The following LAMA4 variants were observed in gnomAD, a reference collection of about 807,000 sequenced individuals.
LAMA4 encodes the protein laminin subunit alpha 4, also known as laminin subunit alpha-4.
In LAMA4, 127 loss-of-function variants were observed where a neutral mutation model predicts 207.1. That is an observed-to-expected ratio of 0.61 (90% CI 0.53 to 0.71). The LOEUF is 0.71. Ranked by LOEUF, LAMA4 falls within the 30% of genes least tolerant of loss-of-function variation. The pLI, the probability that LAMA4 is intolerant of heterozygous loss-of-function variation, is 0.00. For missense variants in LAMA4, 2,093 were observed against 2,246.5 expected (o/e 0.93, Z 1.38); for synonymous variants, 761 against 816.0 (o/e 0.93, Z 1.15).
At chr6:112,228,662 A>G (rs1785366472) in intron 2 of LAMA4, among the ~76,000 whole-genome samples, 1 of 152,218 alleles carries the variant, frequency 6.6e-6, no homozygotes, top group South Asian at 2.1e-4. Context: ...GAAAGCTGGA[A>G]CTGTGGAGGA....
At chr6:112,199,335 TC>T (rs1554351438) in intron 5 of LAMA4, among the ~76,000 whole-genome samples, 2 of 152,252 alleles carry the variant, frequency 1.3e-5, no homozygotes, top group South Asian at 2.1e-4. Context: ...CCATTAACTC[TC>T]CCCGTGGGGG....
Position 112,144,885 on chromosome 6 carries a change from G to C in LAMA4, c.2402C>G (p.Thr801Arg). 6.2e-7 allele frequency: 1 copy of C among 1,613,910 alleles called. No individual in the cohort carries two copies. The highest frequency in any genetic ancestry group is 1.7e-5 in the Admixed American group (1 of 60,026). Reference sequence around the variant, plus strand: ...GCTTGCAGGTCGCTTCTGCTCAACCGTACGAAGCTGATCCAGGAGCTGAGG... The same window carrying C: ...GCTTGCAGGTCGCTTCTGCTCAACCCTACGAAGCTGATCCAGGAGCTGAGG... ...VVPQLLDQLR[T>R]VEQKRPASNV... The change falls in exon 19 of 39, where the codon ACG becomes AGG. Residue 801 changes from threonine to arginine, a missense_variant. Physicochemically the swap from Thr to Arg is moderately conservative, Grantham distance 71 (BLOSUM62 -1). Around this residue, in one of 3 missense-constraint regions of LAMA4, gnomAD observed 1,704 missense variants for 1,788.4 expected, o/e 0.95. Coordinates refer to ENST00000230538, the MANE Select transcript of LAMA4 (RefSeq NM_001105206.3).
chr6:112,193,506 T>C (rs190568160), intron 5 of LAMA4, among the ~76,000 whole-genome samples: 14 of 152,134 alleles, frequency 9.2e-5, no homozygotes, highest in African/African-American at 3.1e-4. Context: ...CCCAGGACCC[T>C]AAAAAAGTCA....
At chr6:112,240,072 A>T (rs1029729969) in intron 2 of LAMA4, among the ~76,000 whole-genome samples, 1 of 152,152 alleles carries the variant, frequency 6.6e-6, no homozygotes, top group Non-Finnish European at 1.5e-5. Flanking sequence ...ACAAAAAAAA[A>T]GTCTGACTTT....
At chr6:112,131,194 C>A (rs1205717951) in intron 28 of LAMA4, 93 bp from the exon 29 acceptor site, 1 of 1,160,888 alleles carries the variant, frequency 8.6e-7, no homozygotes, top group Non-Finnish European at 1.3e-6. Context: ...TGCTTAAAGG[C>A]AATATAGTGT....
chr6:112,181,653 T>C (rs1176252167), intron 9 of LAMA4, among the ~76,000 whole-genome samples: 1 of 152,222 alleles, frequency 6.6e-6, no homozygotes, highest in Non-Finnish European at 1.5e-5. Flanking sequence ...ATTTCACTAT[T>C]TCTTCCTTAG....
At chr6:112,174,300 TGTTGA>T (rs1781889849) in intron 11 of LAMA4, among the ~76,000 whole-genome samples, 1 of 152,236 alleles carries the variant, frequency 6.6e-6, no homozygotes, top group Admixed American at 6.5e-5. Context: ...GGACTAGCCT[TGTTGA>T]GTTAAGACCC....
rs181627568 is a variant in LAMA4, at chr6:112,237,746, T to C, written c.195+16210A>G. 1.1e-4 allele frequency among the ~76,000 whole-genome samples: 16 copies of C among 152,342 alleles called. No individual in the cohort carries two copies. In the East Asian group the frequency reaches 2.5e-3, roughly 24 times the overall value. ...CTCTTCAAACATATGACAAACCATC[T>C]TGACAGAACCTTGGCGATGATCCCA... On this transcript the variant is annotated intron_variant, in intron 2 of 38. Transcript: ENST00000230538.
intron 38 of LAMA4, among the ~76,000 whole-genome samples, chr6:112,110,947 A>T (rs1777654239): frequency 6.6e-6 from 1 of 152,220 alleles, no homozygotes; most frequent in Non-Finnish European, 1.5e-5. Context: ...TCCCAGGTTG[A>T]ATGCTTGACT....
intron 20 of LAMA4, 121 bp downstream of exon 20, chr6:112,141,998 T>C: frequency 1.1e-6 from 1 of 937,196 alleles, no homozygotes; most frequent in Admixed American, 1.9e-5. Context: ...AAATGAGATC[T>C]TCTGAGTTAC....
chr6:112,152,409 G>A (rs1233773694), intron 16 of LAMA4, among the ~76,000 whole-genome samples: 1 of 151,960 alleles, frequency 6.6e-6, no homozygotes, highest in Admixed American at 6.6e-5. Context: ...GTTCTTGAAA[G>A]CACACTTGTG....
At chr6:112,248,413 T>C (rs1554189057) in intron 2 of LAMA4, among the ~76,000 whole-genome samples, 1 of 150,262 alleles carries the variant, frequency 6.7e-6, no homozygotes, top group African/African-American at 2.5e-5. Flanking sequence ...GCAGGAGAAT[T>C]GCTTGAACCC....
At position 112,114,207 on chromosome 6, in the gene LAMA4, G is replaced by C. The variant is rs782487010; in HGVS notation, c.5207-12C>G. 1 of 1,613,180 alleles carries C rather than the reference G, an allele frequency of 6.2e-7. No individual in the cohort carries two copies. The highest frequency in any genetic ancestry group is 2.2e-5 in the East Asian group (1 of 44,830). ...AGAATCTCTAATAACTGAAATGCAG[G>C]GCAAAGACTGGTCATAAGTGGCACT... On this transcript the variant is annotated splice_polypyrimidine_tract_variant and intron_variant, in intron 37 of 38. Transcript: ENST00000230538.
intron 12 of LAMA4, among the ~76,000 whole-genome samples, chr6:112,168,345 C>CTTT (rs34395210): frequency 0.31 from 40,531 of 128,890 alleles, 7,992 homozygotes; most frequent in Non-Finnish European, 0.42. Context: ...AGCTAGTGTT[C>CTTT]TTTTTTTTTT....
At chr6:112,145,697 C>T (rs1342482960) in intron 18 of LAMA4, among the ~76,000 whole-genome samples, 2 of 152,196 alleles carry the variant, frequency 1.3e-5, no homozygotes, top group Non-Finnish European at 2.9e-5. Context: ...CCGAGCATGA[C>T]ATTTGGCATA....
chr6:112,118,249 C>G lies in LAMA4; in HGVS notation c.4822-351G>C, dbSNP rs587649314. 6.6e-6 allele frequency among the ~76,000 whole-genome samples: 1 copy of G among 152,324 alleles called. No homozygotes were observed. Among genetic ancestry groups the G allele is most frequent in the East Asian group, 1.9e-4 (1 of 5,184 alleles). ...CAAGATCACCTAAGGCTGATGAGGGCTAGCAAAGTTCTTTACTTAAATCTA... is the reference window on the plus strand; with the variant it reads ...CAAGATCACCTAAGGCTGATGAGGGGTAGCAAAGTTCTTTACTTAAATCTA... On this transcript the variant is annotated intron_variant, in intron 34 of 38. Transcript: ENST00000230538. The surrounding 1 kb of genome is among the most constrained non-coding windows in gnomAD (Gnocchi z 4.6).
chr6:112,129,012 A>C lies in LAMA4; in HGVS notation c.4197T>G (p.Leu1399=). 1 of 1,612,672 alleles carries C rather than the reference A, an allele frequency of 6.2e-7. No individual in the cohort carries two copies. Among genetic ancestry groups the C allele is most frequent in the South Asian group, 1.1e-5 (1 of 91,046 alleles). ...QRYTEKVHTS[L]YECPIESSPL... ...GTGAAGACTCAATGGGACACTCATA[A>C]AGAGAAGTGTGGACCTTTTCAGTAT... Residue 1399 remains leucine (L), a synonymous_variant, in exon 31 of 39, where the codon CTT becomes CTG. Coordinates refer to ENST00000230538, the MANE Select transcript of LAMA4 (RefSeq NM_001105206.3).
Position 112,120,355 on chromosome 6 carries a change from G to A in LAMA4, c.4593C>T (p.Tyr1531=), listed in dbSNP as rs1778276971. 2.5e-6 allele frequency: 4 copies of A among 1,613,784 alleles called. No homozygotes were observed. In the African/African-American group the frequency reaches 5.3e-5, roughly 22 times the overall value. ...TLFLAHGRLV[Y]MFNVGHKKLK... The stretch of plus-strand genomic sequence containing the variant: ...GTTTTTTGTGACCAACATTAAACAT[G>A]TAAACCAAGCGGCCATGGGCCAAAA... The change falls in exon 33 of 39, where the codon TAC becomes TAT. Residue 1531 remains tyrosine, a synonymous_variant. Coordinates refer to ENST00000230538, the MANE Select transcript of LAMA4 (RefSeq NM_001105206.3).
At position 112,139,785 on chromosome 6, in the gene LAMA4, T is replaced by G. The variant is rs1554332589; in HGVS notation, c.3077A>C (p.Asn1026Thr). The G allele has an allele frequency of 6.2e-7, 1 of 1,614,122 alleles. No homozygotes were observed. The highest frequency in any genetic ancestry group is 8.5e-7 in the Non-Finnish European group (1 of 1,179,956). ...ISLYNFKHIY[N>T]MDPSTSVPCA... Reference sequence around the variant, plus strand: ...TGGCACTGATGTGGAGGGGTCCATATTATAGATGTGCTTAAAGTTGTACAA... The same window carrying G: ...TGGCACTGATGTGGAGGGGTCCATAGTATAGATGTGCTTAAAGTTGTACAA... The change falls in exon 23 of 39, where the codon AAT becomes ACT. Residue 1026 changes from asparagine to threonine, a missense_variant. This residue lies in a region of LAMA4 where 1,704 missense variants were observed against 1,788.4 expected (regional missense o/e 0.95). Coordinates refer to ENST00000230538, the MANE Select transcript of LAMA4 (RefSeq NM_001105206.3).
Sources: allele counts gnomAD v4.1 joint callset (sites outside exome capture counted in the v4.1 genomes callset), GRCh38; gene constraint gnomAD v4.1.1; regional missense constraint gnomAD v4.1.1; non-coding constraint Gnocchi (gnomAD v3.1); transcripts MANE v1.5; gene names NCBI Gene and HGNC (gene_info 2026-07-23, HGNC 2026-07-21).